The following BMPR1B variants were observed in gnomAD, a reference collection of about 807,000 sequenced individuals.
BMPR1B encodes the protein bone morphogenetic protein receptor type 1B, also known as bone morphogenetic protein receptor type-1B.
BMPR1B carries 12 observed loss-of-function variants against 59.1 expected under a neutral mutation model. That is an observed-to-expected ratio of 0.20 (90% CI 0.13 to 0.33). The LOEUF is 0.33. BMPR1B is among the 10% of genes least tolerant of loss of function. The pLI, the probability that BMPR1B is intolerant of heterozygous loss-of-function variation, is 1.00. For missense variants in BMPR1B, 550 were observed against 610.9 expected (o/e 0.90, Z 1.05); for synonymous variants, 237 against 207.3 (o/e 1.14, Z -1.23).
At chr4:94,888,466 T>C (rs1284864673) in intron 2 of BMPR1B, among the ~76,000 whole-genome samples, 1 of 152,092 alleles carries the variant, frequency 6.6e-6, no homozygotes, top group Non-Finnish European at 1.5e-5. Flanking sequence ...TTTTTCATAA[T>C]AGCATGAATA....
At chr4:94,812,821 G>A (rs1358942290) in intron 1 of BMPR1B, among the ~76,000 whole-genome samples, 6 of 152,178 alleles carry the variant, frequency 3.9e-5, no homozygotes, top group Middle Eastern at 3.4e-3. Flanking sequence ...GGATAACAGC[G>A]TATACAATTG....
intron 1 of BMPR1B, among the ~76,000 whole-genome samples, chr4:94,837,083 A>G (rs1465156569): frequency 6.9e-6 from 1 of 144,226 alleles, no homozygotes; most frequent in East Asian, 2.0e-4. Flanking sequence ...ATGCGGCGTT[A>G]TTTCTGAGGG....
rs374880950 is a variant in BMPR1B at position 95,054,515 on chromosome 4, G to A, written c.-17-49893G>A. Among the ~76,000 whole-genome samples the A allele has an allele frequency of 3.3e-5, 5 of 152,276 alleles. No individual in the cohort carries two copies. The South Asian group carries it at 1.0e-3, about 32-fold the overall frequency. ...GAATTGCCTTCCTAATAGTGAAAAT[G>A]TGACCTGTAATGGTCAAAATCTGTA... On this transcript the variant is annotated intron_variant, in intron 3 of 12. Coordinates refer to ENST00000515059, the MANE Select transcript of BMPR1B (RefSeq NM_001203.3).
At chr4:94,962,075 C>CT (rs1560569133) in intron 2 of BMPR1B, among the ~76,000 whole-genome samples, 3 of 31,474 alleles carry the variant, frequency 9.5e-5, no homozygotes, top group Non-Finnish European at 2.2e-4. Context: ...TCTTTTCTTT[C>CT]CTTCCTTCCT....
At chr4:94,942,416 C>T (rs577177341) in intron 2 of BMPR1B, among the ~76,000 whole-genome samples, 84 of 152,230 alleles carry the variant, frequency 5.5e-4, no homozygotes, top group African/African-American at 1.9e-3. Flanking sequence ...CTATATTACA[C>T]TTTTGTCAAG....
At chr4:94,953,399 C>T (rs56068960) in intron 2 of BMPR1B, among the ~76,000 whole-genome samples, 32,813 of 152,000 alleles carry the variant, frequency 0.22, 3,771 homozygotes, top group Middle Eastern at 0.26. Flanking sequence ...TGGCTGGTAC[C>T]GGTTTTTCCT....
In BMPR1B at chr4:94,978,966, A is replaced by T. The variant is rs1424078252; in HGVS notation, c.-112-17074A>T. 2.0e-5 allele frequency among the ~76,000 whole-genome samples: 3 copies of T among 151,826 alleles called. No individual in the cohort carries two copies. In the South Asian group the frequency reaches 6.3e-4, roughly 32 times the overall value. On this transcript the variant is annotated intron_variant, in intron 2 of 12. Transcript: ENST00000515059. ...CACATACATACACACACACACACACACACACACACACACGAAAGGTAAGAG... is the reference window on the plus strand; with the variant it reads ...CACATACATACACACACACACACACTCACACACACACACGAAAGGTAAGAG...
At chr4:94,999,306 A>C (rs1722277996) in intron 3 of BMPR1B, among the ~76,000 whole-genome samples, 2 of 152,144 alleles carry the variant, frequency 1.3e-5, no homozygotes, top group African/African-American at 4.8e-5. Context: ...CTTTCACTTT[A>C]AAATATTTTA....
intron 2 of BMPR1B, among the ~76,000 whole-genome samples, chr4:94,921,437 G>T (rs112789214): frequency 1.3e-5 from 2 of 152,092 alleles, no homozygotes; most frequent in Non-Finnish European, 2.9e-5. Context: ...CGTAGCTCCA[G>T]CATCTGCTTG....
chr4:95,039,282 T>C (rs1487796629), intron 3 of BMPR1B, among the ~76,000 whole-genome samples: 1 of 152,198 alleles, frequency 6.6e-6, no homozygotes, highest in Non-Finnish European at 1.5e-5. Flanking sequence ...ATGCTTTTGC[T>C]GTAATGCTCT....
intron 2 of BMPR1B, among the ~76,000 whole-genome samples, chr4:94,917,386 G>A (rs1052629491): frequency 6.6e-5 from 10 of 152,166 alleles, no homozygotes; most frequent in Non-Finnish European, 8.8e-5. Context: ...CATGGGGGCC[G>A]AACCCTGCAA....
chr4:94,923,943 CT>C (rs2149027499), intron 2 of BMPR1B, among the ~76,000 whole-genome samples: 1 of 152,242 alleles, frequency 6.6e-6, no homozygotes, highest in African/African-American at 2.4e-5. Context: ...GCATAAACCA[CT>C]CTTGATGGGT....
intron 3 of BMPR1B, among the ~76,000 whole-genome samples, chr4:95,059,291 A>G (rs1727161373): frequency 6.6e-6 from 1 of 152,192 alleles, no homozygotes; most frequent in African/African-American, 2.4e-5. Flanking sequence ...CATTATACTT[A>G]TCCACACACA....
intron 2 of BMPR1B, among the ~76,000 whole-genome samples, chr4:94,911,319 A>T (rs1174786513): frequency 6.6e-6 from 1 of 152,146 alleles, no homozygotes; most frequent in Non-Finnish European, 1.5e-5. Context: ...CTTTATCTAG[A>T]AGTCAATGTG....
chr4:94,908,816 G>T (rs1459138708), intron 2 of BMPR1B, among the ~76,000 whole-genome samples: 2 of 152,078 alleles, frequency 1.3e-5, no homozygotes, highest in East Asian at 3.9e-4. Context: ...CTTGAATAAT[G>T]TCTCCGTGTT....
intron 3 of BMPR1B, among the ~76,000 whole-genome samples, chr4:95,003,555 A>G (rs1722602631): frequency 6.6e-6 from 1 of 152,300 alleles, no homozygotes; most frequent in African/African-American, 2.4e-5. Flanking sequence ...ACCAAATAAT[A>G]TAATCTGTGT....
chr4:94,957,566 T>C (rs2149062439), intron 2 of BMPR1B, among the ~76,000 whole-genome samples: 1 of 152,142 alleles, frequency 6.6e-6, no homozygotes, highest in Non-Finnish European at 1.5e-5. Flanking sequence ...ACTGCAACTT[T>C]AGGTAAGAAA....
rs1210922942 is a variant in BMPR1B at position 95,026,575 on chromosome 4, G to A, written c.-18+30441G>A. On this transcript the variant is annotated intron_variant, in intron 3 of 12. Transcript: ENST00000515059. ...TGTTTAAATTATTTTAGATAAAAATGGTAATTATGAGGATTAGCCCTAATC... is the reference window on the plus strand; with the variant it reads ...TGTTTAAATTATTTTAGATAAAAATAGTAATTATGAGGATTAGCCCTAATC... Among the ~76,000 whole-genome samples, 5 of 152,086 alleles carry A rather than the reference G, an allele frequency of 3.3e-5. No homozygotes were observed. The East Asian group carries it at 9.7e-4, about 29-fold the overall frequency.
chr4:94,914,141 G>A (rs1398785637), intron 2 of BMPR1B, among the ~76,000 whole-genome samples: 2 of 152,016 alleles, frequency 1.3e-5, no homozygotes, highest in Non-Finnish European at 2.9e-5. Context: ...GGGGAGAAGT[G>A]GACAAATTTG....
Sources: gnomAD v4.1 joint callset for allele counts (sites outside exome capture counted in the v4.1 genomes callset) on GRCh38, gnomAD v4.1.1 for gene constraint, MANE v1.5 for transcripts, NCBI Gene and HGNC (gene_info 2026-07-23, HGNC 2026-07-21) for gene names.